TPTE: variants seen among roughly 807,000 people sequenced by gnomAD.
The protein encoded by TPTE is transmembrane phosphatase with tensin homology.
Under a neutral mutation model 84.1 loss-of-function variants are expected in TPTE, and 59 were observed. The ratio of observed to expected loss-of-function variants is 0.70; its 90% confidence interval spans 0.57 to 0.87. TPTE has a LOEUF of 0.87. Ranked by LOEUF, TPTE falls within the 40% of genes least tolerant of loss-of-function variation. TPTE has a pLI of 0.00. For synonymous variants in TPTE, 130 were observed against 223.5 expected (o/e 0.58, Z 3.73); for missense variants, 382 against 659.6 (o/e 0.58, Z 4.61).
intron 11 of TPTE, among the ~76,000 whole-genome samples, chr21:10,568,913 C>A (rs1448897873): frequency 6.6e-6 from 1 of 152,306 alleles, no homozygotes; most frequent in Admixed American, 6.5e-5. Context: ...TAGCACACTT[C>A]GGAAGTATCT....
intron 21 of TPTE, among the ~76,000 whole-genome samples, chr21:10,598,902 G>A (rs1358819618): frequency 4.3e-4 from 65 of 152,028 alleles, no homozygotes; most frequent in African/African-American, 1.5e-3. Context: ...CCGACTGAGG[G>A]CATTCACCCA....
intron 5 of TPTE, 147 bp from the exon 6 acceptor site, chr21:10,542,248 A>G (rs1482314198): frequency 1.0e-4 from 103 of 1,017,232 alleles, no homozygotes; most frequent in Non-Finnish European, 1.4e-4. Context: ...ATAAAGAGGA[A>G]AAGACATTCC....
chr21:10,598,992 T>G (rs1485042887), intron 21 of TPTE, among the ~76,000 whole-genome samples: 1 of 152,310 alleles, frequency 6.6e-6, no homozygotes, highest in African/African-American at 2.4e-5. Context: ...CAACTATTAT[T>G]TGTTCATTTA....
At chr21:10,582,709 C>T (rs1195728366) in intron 17 of TPTE, among the ~76,000 whole-genome samples, 1 of 152,218 alleles carries the variant, frequency 6.6e-6, no homozygotes, top group South Asian at 2.1e-4. Context: ...GGGTTGTTTC[C>T]AATTTTTATT....
chr21:10,556,569 G>A lies in TPTE; in HGVS notation c.234-2925G>A, dbSNP rs567812896. Among the ~76,000 whole-genome samples, 8 of 152,426 alleles carry A rather than the reference G, an allele frequency of 5.2e-5. No homozygotes were observed. The South Asian group carries it at 8.3e-4, about 16-fold the overall frequency. On this transcript the variant is annotated intron_variant, in intron 8 of 23. Coordinates refer to ENST00000618007, the MANE Select transcript of TPTE (RefSeq NM_199261.4). The stretch of plus-strand genomic sequence containing the variant: ...TTGGGTATATACCCAGTAATAGGAT[G>A]GCTGGGTCAAATGGTGTTTCTAGTT...
intron 2 of TPTE, 149 bp from the exon 3 acceptor site, chr21:10,527,206 T>C: frequency 6.5e-6 from 1 of 152,724 alleles, no homozygotes; most frequent in East Asian, 1.9e-4. Flanking sequence ...GAAGTACTAG[T>C]GCTGTATCCT....
intron 8 of TPTE, among the ~76,000 whole-genome samples, chr21:10,553,462 G>A (rs1241082025): frequency 6.6e-6 from 1 of 152,310 alleles, no homozygotes; most frequent in African/African-American, 2.4e-5. Context: ...AAATTACCCT[G>A]AATTTGCCAC....
chr21:10,605,694 C>G lies in TPTE; in HGVS notation c.*142C>G. 1 of 1,401,160 alleles carries G rather than the reference C, an allele frequency of 7.1e-7. No individual in the cohort carries two copies. Among genetic ancestry groups the G allele is most frequent in the Non-Finnish European group, 9.5e-7 (1 of 1,050,152 alleles). The allele number at this position is 1,401,160 out of a possible 1,614,324, so 86.8% of individuals were successfully genotyped here. A position where few individuals can be genotyped will look rare whatever the true frequency, so the allele number is the denominator to read the frequency against. ...ATGTTTATATATGTTCTTCATAAAT[C>G]TATTACATATATATAGATAAAATGT... On this transcript the variant is annotated 3_prime_UTR_variant, in exon 24 of 24. Transcript: ENST00000618007.
chr21:10,588,101 G>GGC (rs1295466355), intron 17 of TPTE, among the ~76,000 whole-genome samples: 244 of 151,840 alleles, frequency 1.6e-3, no homozygotes, highest in African/African-American at 5.5e-3. Flanking sequence ...TGCCTGCCTT[G>GGC]GCCTCCCAAA....
intron 11 of TPTE, among the ~76,000 whole-genome samples, chr21:10,568,868 G>A (rs956517225): frequency 3.3e-5 from 5 of 152,310 alleles, no homozygotes; most frequent in Non-Finnish European, 2.9e-5. Context: ...TCAGTTCTCT[G>A]CTTCAGTGGT....
intron 21 of TPTE, among the ~76,000 whole-genome samples, chr21:10,601,730 A>AT (rs1660232324): frequency 6.6e-6 from 1 of 152,308 alleles, no homozygotes; most frequent in African/African-American, 2.4e-5. Context: ...GCATGTGCCT[A>AT]TAGTCCCAGC....
intron 1 of TPTE, among the ~76,000 whole-genome samples, 170 bp from the exon 2 acceptor site, chr21:10,524,410 G>C (rs932677540): frequency 1.3e-5 from 2 of 152,308 alleles, no homozygotes; most frequent in Admixed American, 1.3e-4. Flanking sequence ...ACCCGTGGGT[G>C]TAAGGCCAAA....
chr21:10,571,112 A>T (rs2075034120), intron 14 of TPTE, among the ~76,000 whole-genome samples: 1 of 152,312 alleles, frequency 6.6e-6, no homozygotes, highest in African/African-American at 2.4e-5. Flanking sequence ...ATAACTAGCA[A>T]AGCCACTGCA....
At chr21:10,581,038 GC>G (rs112468938) in intron 17 of TPTE, among the ~76,000 whole-genome samples, 4,920 of 138,888 alleles carry the variant, frequency 0.035, no homozygotes, top group East Asian at 0.1. Flanking sequence ...GGAAAACATA[GC>G]ACCATCAACT....
chr21:10,605,294 G>A (rs1465115977), intron 23 of TPTE, 123 bp from the exon 24 acceptor site: 2,551 of 1,324,896 alleles, frequency 1.9e-3, no homozygotes, highest in Non-Finnish European at 2.3e-3. Flanking sequence ...ACAAAAAAAG[G>A]GCTGAGGTTC....
chr21:10,534,690 A>G (rs1366459467), intron 3 of TPTE, among the ~76,000 whole-genome samples: 7 of 152,308 alleles, frequency 4.6e-5, no homozygotes, highest in Admixed American at 1.3e-4. Context: ...GTGTATGTTC[A>G]TAAAGATACA....
chr21:10,547,199 G>C (rs574013021), intron 7 of TPTE, among the ~76,000 whole-genome samples: 75 of 152,386 alleles, frequency 4.9e-4, no homozygotes, highest in Non-Finnish European at 9.3e-4. Context: ...GGTGACTAGA[G>C]ATGTCTGGTG....
intron 17 of TPTE, among the ~76,000 whole-genome samples, chr21:10,589,360 T>C (rs1309558034): frequency 1.3e-5 from 2 of 152,426 alleles, no homozygotes; most frequent in East Asian, 3.8e-4. Flanking sequence ...AAGAGCTGGC[T>C]GTTGCCAGTG....
At position 10,544,336 on chromosome 21, in the gene TPTE, G is replaced by T. The variant is rs150971566; in HGVS notation, c.173+954G>T. On this transcript the variant is annotated intron_variant, in intron 7 of 23. Coordinates refer to ENST00000618007, the MANE Select transcript of TPTE (RefSeq NM_199261.4). ...TAAGCCAATAAATAAATTTTTAAAA[G>T]AATTTATTTTATAGGACGTTGGAGG... Among the ~76,000 whole-genome samples, 203 of 152,304 alleles carry T rather than the reference G, an allele frequency of 1.3e-3. No homozygotes were observed. The Middle Eastern group carries it at 0.014, about 10-fold the overall frequency.
Sources: gnomAD v4.1 joint callset for allele counts (sites outside exome capture counted in the v4.1 genomes callset) on GRCh38, gnomAD v4.1.1 for gene constraint, MANE v1.5 for transcripts, NCBI Gene and HGNC (gene_info 2026-07-23, HGNC 2026-07-21) for gene names.